Variants in PCDH15 observed in about 807,000 individuals in gnomAD.
PCDH15 encodes protocadherin-15.
PCDH15 carries 129 observed loss-of-function variants against 178.5 expected under a neutral mutation model. That is an observed-to-expected ratio of 0.72 (90% confidence interval 0.63 to 0.84). The LOEUF is 0.84. Ranked by LOEUF, PCDH15 falls within the 40% of genes least tolerant of loss-of-function variation. PCDH15 has a pLI of 0.00. For synonymous variants in PCDH15, 800 were observed against 732.0 expected, an observed-to-expected ratio of 1.09 and a Z score of -1.50; for missense variants, 2,230 against 2,099.9, an observed-to-expected ratio of 1.06 and a Z score of -1.21.
In PCDH15 at chr10:54,603,715, G is replaced by A. The variant is rs76037561; in HGVS notation, c.91+60457C>T. Among the ~76,000 whole-genome samples the A allele has an allele frequency of 5.4e-3, 819 of 151,978 alleles. 6 individuals carry two copies. The highest frequency in any genetic ancestry group is 0.019 in the African/African-American group (788 of 41,504). ...AAATCTTAGAGGCATTCCCAGAACC[G>A]AGGTTAATGAAAAGCCAACATGTTG... is the stretch of plus-strand genomic sequence containing the variant. On this transcript the variant is annotated intron_variant, in intron 2 of 37. Coordinates refer to ENST00000644397, the MANE Select transcript of PCDH15 (RefSeq NM_001384140.1).
rs142979714 is a variant in PCDH15 at position 53,863,638 on chromosome 10, G to A, written c.3717+3004C>T. Among the ~76,000 whole-genome samples the A allele has an allele frequency of 1.8e-4, 28 of 152,206 alleles. 1 individual carries two copies. The East Asian group carries it at 4.6e-3, about 25-fold the overall frequency. On this transcript the variant is annotated intron_variant, in intron 27 of 37. Coordinates refer to ENST00000644397, the MANE Select transcript of PCDH15 (RefSeq NM_001384140.1). ...TAGAAAAATGGATGGCAGCTAGAAG[G>A]TGATATAGATCAAGGGATGTTTTAT...
intron 18 of PCDH15, among the ~76,000 whole-genome samples, chr10:54,060,851 GT>G (rs1451109729): frequency 6.6e-6 from 1 of 152,046 alleles, no homozygotes; most frequent in African/African-American, 2.4e-5. Context: ...AGAGGTGAGG[GT>G]TGTTAGGTAA....
At chr10:54,931,773 G>A (rs1430457966) in intron 2 of PCDH15, among the ~76,000 whole-genome samples, 2 of 152,042 alleles carry the variant, frequency 1.3e-5, no homozygotes, top group Non-Finnish European at 2.9e-5. Context: ...TTAAATCCTT[G>A]CAGAACTCAC....
At chr10:55,608,103 G>A (rs188785757) in intron 2 of PCDH15, among the ~76,000 whole-genome samples, 3 of 152,100 alleles carry the variant, frequency 2.0e-5, no homozygotes, top group Admixed American at 2.0e-4. Context: ...TATGAGTGTA[G>A]AAGTAATAAT....
intron 3 of PCDH15, among the ~76,000 whole-genome samples, chr10:54,875,532 C>A (rs1015311979): frequency 6.6e-5 from 10 of 152,058 alleles, no homozygotes; most frequent in Non-Finnish European, 1.5e-4. Context: ...GTTAGCTAAC[C>A]TGTAAATACT....
upstream of PCDH15, among the ~76,000 whole-genome samples, chr10:55,322,983 CT>C (rs1843942482): frequency 1.3e-5 from 2 of 152,096 alleles, no homozygotes; most frequent in Admixed American, 1.3e-4. Flanking sequence ...GGGACTCCTG[CT>C]CTATGCAGAC....
At chr10:54,706,304 T>C (rs76775755) in intron 1 of PCDH15, among the ~76,000 whole-genome samples, 2,925 of 152,260 alleles carry the variant, frequency 0.019, 86 homozygotes, top group African/African-American at 0.065. Context: ...TCCCCACTTT[T>C]AGCTATAACT....
intron 2 of PCDH15, among the ~76,000 whole-genome samples, chr10:55,541,044 G>A (rs1448193128): frequency 1.3e-5 from 2 of 151,928 alleles, no homozygotes; most frequent in Admixed American, 6.6e-5. Context: ...CATAGGATTC[G>A]GCACAGGACC....
rs772160626 is a variant in PCDH15 at position 53,938,912 on chromosome 10, A to G, written c.3276T>C (p.Asn1092=). 13 of 1,613,334 alleles carry G rather than the reference A, an allele frequency of 8.1e-6. No individual in the cohort carries two copies. The highest frequency in any genetic ancestry group is 1.1e-5 in the Non-Finnish European group (13 of 1,179,356). The change falls in exon 25 of 38, where the codon AAT becomes AAC. Residue 1092 remains asparagine (N), a synonymous_variant. Transcript: ENST00000644397. ...INNITGVIYV[N]GPLDYETRTS... is the part of the protein sequence containing the mutation. ...TCCTGGTCTCATAATCCAGAGGTCC[A>G]TTCACATAGATAACACCTGTGATGT...
At chr10:54,500,100 A>T (rs2080517404) in intron 3 of PCDH15, among the ~76,000 whole-genome samples, 1 of 152,178 alleles carries the variant, frequency 6.6e-6, no homozygotes, top group Non-Finnish European at 1.5e-5. Flanking sequence ...TACAGCATGG[A>T]ATACTATGCA....
In PCDH15 at chr10:54,192,163, A is replaced by AAAGAAAGC. The variant is rs2049097635; in HGVS notation, c.1305+3519_1305+3520insGCTTTCTT. Among the ~76,000 whole-genome samples, 26 of 142,458 alleles carry AAAGAAAGC rather than the reference A, an allele frequency of 1.8e-4. 1 individual carries two copies. The highest frequency in any genetic ancestry group is 1.8e-3 in the Admixed American group (26 of 14,382). The allele number at this position is 142,458 out of a possible 152,430, so 93.5% of individuals were successfully genotyped here. A position where few individuals can be genotyped will look rare whatever the true frequency, so the allele number is the denominator to read the frequency against. Reference sequence around the variant, plus strand: ...GAGAAAGAAAGAAAGAAAAAGAAAGAAAGAAAGAAAAAGAAAGAGAAAGAA... The same window carrying AAAGAAAGC: ...GAGAAAGAAAGAAAGAAAAAGAAAGAAAGAAAGCAAGAAAGAAAAAGAAAGAGAAAGAA... On this transcript the variant is annotated intron_variant, in intron 11 of 37. Coordinates refer to ENST00000644397, the MANE Select transcript of PCDH15 (RefSeq NM_001384140.1).
intron 2 of PCDH15, among the ~76,000 whole-genome samples, chr10:55,494,757 T>C (rs922433136): frequency 1.3e-5 from 2 of 151,792 alleles, no homozygotes; most frequent in East Asian, 3.9e-4. Flanking sequence ...GAGATATATA[T>C]GTAGCATAAA....
At chr10:55,131,279 A>G (rs1369060958) in intron 2 of PCDH15, among the ~76,000 whole-genome samples, 1 of 152,112 alleles carries the variant, frequency 6.6e-6, no homozygotes, top group African/African-American at 2.4e-5. Context: ...GCTGTCTGCA[A>G]TGAGGCAGGC....
chr10:55,550,433 T>C (rs1564449459), intron 2 of PCDH15, among the ~76,000 whole-genome samples: 1 of 152,016 alleles, frequency 6.6e-6, no homozygotes, highest in Non-Finnish European at 1.5e-5. Context: ...TGCCTAGGAG[T>C]ATGAGTCATA....
In PCDH15 at chr10:54,924,636, T is replaced by A. The variant is rs190018949; in HGVS notation, c.-79-27136A>T. Among the ~76,000 whole-genome samples the A allele has an allele frequency of 2.1e-3, 314 of 152,232 alleles. 1 individual carries two copies. Among genetic ancestry groups the A allele is most frequent in the Non-Finnish European group, 3.2e-3 (216 of 68,024 alleles). On this transcript the variant is annotated intron_variant, in intron 2 of 5. Transcript: ENST00000458638. Reference sequence around the variant, plus strand: ...TTTTTTTACCTTTTAAAAATAGCCATTCTGATTGGTGTAAGATGGTATCCC... The same window carrying A: ...TTTTTTTACCTTTTAAAAATAGCCAATCTGATTGGTGTAAGATGGTATCCC...
intron 3 of PCDH15, among the ~76,000 whole-genome samples, chr10:54,508,686 G>A (rs1278129543): frequency 6.6e-6 from 1 of 152,084 alleles, no homozygotes; most frequent in Non-Finnish European, 1.5e-5. Flanking sequence ...AAAGCACAGT[G>A]GACATAAAGA....
At chr10:55,427,621 T>A (rs894371455) in intron 2 of PCDH15, among the ~76,000 whole-genome samples, 1 of 152,170 alleles carries the variant, frequency 6.6e-6, no homozygotes, top group African/African-American at 2.4e-5. Flanking sequence ...ATCGAATGCA[T>A]CTTGGAGTGG....
intron 2 of PCDH15, among the ~76,000 whole-genome samples, chr10:55,104,119 G>A (rs1264475377): frequency 3.3e-5 from 5 of 151,954 alleles, no homozygotes; most frequent in Non-Finnish European, 7.4e-5. Flanking sequence ...GCATAAAACA[G>A]TAGAATTAGC....
intron 7 of PCDH15, among the ~76,000 whole-genome samples, chr10:54,320,285 T>G (rs2133724273): frequency 6.6e-6 from 1 of 152,188 alleles, no homozygotes; most frequent in Non-Finnish European, 1.5e-5. Context: ...GATCACAAGC[T>G]ATTTTAATCT....
Sources: allele counts gnomAD v4.1 joint callset (sites outside exome capture counted in the v4.1 genomes callset), GRCh38; gene constraint gnomAD v4.1.1; transcripts MANE v1.5; gene names NCBI Gene and HGNC (gene_info 2026-07-23, HGNC 2026-07-21).